C5orf47: variants seen among roughly 807,000 people sequenced by gnomAD.
The protein encoded by C5orf47 is uncharacterized protein C5orf47.
A neutral mutation model predicts 20.6 loss-of-function variants in C5orf47; 20 were observed. That is an observed-to-expected ratio of 0.97 (90% CI 0.68 to 1.41). The LOEUF (loss-of-function observed/expected upper bound fraction) is 1.41. Ranked by LOEUF, C5orf47 falls within the 40% of genes most tolerant of loss-of-function variation. The probability of loss-of-function intolerance (pLI) is 0.00; values close to 1 mark genes in which losing one functional copy is unlikely to be tolerated. For missense variants in C5orf47, 262 were observed against 238.4 expected, an observed-to-expected ratio of 1.10 and a Z score of -0.65; for synonymous variants, 106 against 97.3, an observed-to-expected ratio of 1.09 and a Z score of -0.53.
At position 173,989,202 on chromosome 5, in the gene C5orf47, G is replaced by A. The variant is rs568715750; in HGVS notation, c.-62G>A. 2.4e-5 allele frequency: 32 copies of A among 1,339,770 alleles called. No individual in the cohort carries two copies. The East Asian group carries it at 4.8e-4, about 20-fold the overall frequency. The allele number at this position is 1,339,770 out of a possible 1,614,324, so 83.0% of individuals were successfully genotyped here. ...CCCGCATCCCTCGCCTGCACAGTGG[G>A]CAGTCTGGCGCCTGTGGCGTCGTGT... On this transcript the variant is annotated 5_prime_UTR_variant, in exon 1 of 5. Coordinates refer to ENST00000340147, the MANE Select transcript of C5orf47 (RefSeq NM_001144954.2).
rs1451238759 is a variant in C5orf47 at position 174,001,524 on chromosome 5, A to C, written c.*16+293A>C. Among the ~76,000 whole-genome samples the C allele has an allele frequency of 2.6e-5, 4 of 151,942 alleles. No individual in the cohort carries two copies. The East Asian group carries it at 5.8e-4, about 22-fold the overall frequency. On this transcript the variant is annotated intron_variant, in intron 4 of 4. Transcript: ENST00000340147. ...TTTCTATCGTACCCTCTGAGGGTAC[A>C]ATATGGTACATTATTCTGAGGGCAG...
At chr5:174,007,559 CTTTT>C (rs113925593), downstream of C5orf47, among the ~76,000 whole-genome samples, 1 of 138,912 alleles carries the variant, frequency 7.2e-6, no homozygotes, top group Non-Finnish European at 1.6e-5. Context: ...ACTCTCCTAC[CTTTT>C]TTTTTTTTTT....
At chr5:173,995,663 C>T (rs1167436435) in intron 1 of C5orf47, among the ~76,000 whole-genome samples, 1 of 152,204 alleles carries the variant, frequency 6.6e-6, no homozygotes. Context: ...CCAGTAAATG[C>T]TGGCACATTG....
intron 1 of C5orf47, among the ~76,000 whole-genome samples, chr5:173,995,019 G>C (rs905328506): frequency 3.9e-5 from 6 of 152,066 alleles, no homozygotes; most frequent in Non-Finnish European, 8.8e-5. Context: ...CAACATGTAG[G>C]CCAGGCTGGT....
downstream of C5orf47, among the ~76,000 whole-genome samples, chr5:174,006,590 T>C (rs1466864421): frequency 6.6e-6 from 1 of 152,186 alleles, no homozygotes; most frequent in Non-Finnish European, 1.5e-5. Context: ...AAGTCTTGGG[T>C]AATCTGGGAA....
downstream of C5orf47, among the ~76,000 whole-genome samples, chr5:174,007,185 G>A (rs1759305777): frequency 6.6e-6 from 1 of 152,198 alleles, no homozygotes; most frequent in Non-Finnish European, 1.5e-5. Context: ...TGGAGTAAGA[G>A]TTATCACAAC....
downstream of C5orf47, among the ~76,000 whole-genome samples, chr5:174,008,933 C>T (rs1759332674): frequency 6.6e-6 from 1 of 151,798 alleles, no homozygotes; most frequent in Admixed American, 6.6e-5. Flanking sequence ...TGGGACTTCA[C>T]TTTATAAATA....
intron 1 of C5orf47, 58 bp downstream of exon 1, chr5:173,989,646 G>C: frequency 1.5e-6 from 2 of 1,306,668 alleles, no homozygotes; most frequent in East Asian, 3.1e-5. Context: ...GGCGGAGCGG[G>C]CTCAGCTGCT....
downstream of C5orf47, among the ~76,000 whole-genome samples, chr5:174,009,360 A>G (rs1199598702): frequency 6.6e-6 from 1 of 151,802 alleles, no homozygotes. Flanking sequence ...TCTATTTACT[A>G]TTTCCTTTCT....
chr5:173,996,678 A>C (rs1759104956), intron 1 of C5orf47, among the ~76,000 whole-genome samples: 1 of 152,240 alleles, frequency 6.6e-6, no homozygotes, highest in African/African-American at 2.4e-5. Flanking sequence ...TCTTTTTAGA[A>C]CACTTTAAAT....
chr5:173,999,414 T>C (rs1344855725), intron 2 of C5orf47, among the ~76,000 whole-genome samples: 2 of 152,320 alleles, frequency 1.3e-5, no homozygotes, highest in East Asian at 3.9e-4. Context: ...TAGAATTGAT[T>C]AGGTAGGACT....
chr5:173,989,653 T>A, intron 1 of C5orf47, 65 bp downstream of exon 1: 1 of 1,284,852 alleles, frequency 7.8e-7, no homozygotes, highest in Non-Finnish European at 1.0e-6. Flanking sequence ...CGGGCTCAGC[T>A]GCTGGGCGCC....
chr5:173,989,589 G>T lies in C5orf47; in HGVS notation c.325+1G>T. 6.9e-6 allele frequency: 10 copies of T among 1,443,662 alleles called. No individual in the cohort carries two copies. The highest frequency in any genetic ancestry group is 9.1e-6 in the Non-Finnish European group (10 of 1,099,328). The allele number at this position is 1,443,662 out of a possible 1,614,324, so 89.4% of individuals were successfully genotyped here. A position where few individuals can be genotyped will look rare whatever the true frequency, so the allele number is the denominator to read the frequency against. On this transcript the variant is annotated splice_donor_variant, in intron 1 of 4. Transcript: ENST00000340147. LOFTEE classifies it high-confidence loss of function. ...GGCACCAGACAGTCGGCGCGTGCAG[G>T]TGGTGCAGCGGGGCAGGGCGGGACC...
chr5:174,008,518 T>C (rs1759326052), downstream of C5orf47, among the ~76,000 whole-genome samples: 2 of 152,174 alleles, frequency 1.3e-5, no homozygotes, highest in African/African-American at 2.4e-5. Context: ...GTCCACAGCA[T>C]AGAATTAAAT....
chr5:174,001,053 C>A (rs1197196616), intron 3 of C5orf47, 143 bp from the exon 4 acceptor site: 3 of 639,342 alleles, frequency 4.7e-6, no homozygotes, highest in Non-Finnish European at 8.3e-6. Context: ...CAGTGTTAAA[C>A]TACATTACAG....
chr5:174,007,621 G>T (rs1315818943), downstream of C5orf47, among the ~76,000 whole-genome samples: 1 of 147,956 alleles, frequency 6.8e-6, no homozygotes, highest in African/African-American at 2.6e-5. Context: ...GCAGTGATGC[G>T]ATCTTGGCTC....
downstream of C5orf47, among the ~76,000 whole-genome samples, chr5:174,008,966 T>TA (rs926667971): frequency 2.6e-5 from 4 of 151,840 alleles, no homozygotes; most frequent in East Asian, 5.8e-4. Flanking sequence ...ACTTACCAAG[T>TA]AAAAAAAATT....
chr5:174,001,358 T>C, intron 4 of C5orf47, 127 bp downstream of exon 4: 1 of 616,012 alleles, frequency 1.6e-6, no homozygotes, highest in Non-Finnish European at 2.8e-6. Context: ...CTTTCTTAAA[T>C]ACAGTGTTTG....
At chr5:173,999,205 T>C (rs986574624) in intron 2 of C5orf47, among the ~76,000 whole-genome samples, 8 of 152,184 alleles carry the variant, frequency 5.3e-5, no homozygotes, top group African/African-American at 1.9e-4. Flanking sequence ...GATCTATTTG[T>C]TTGATTCTAT....
Sources: allele counts gnomAD v4.1 joint callset (sites outside exome capture counted in the v4.1 genomes callset), GRCh38; gene constraint gnomAD v4.1.1; transcripts MANE v1.5; gene names NCBI Gene and HGNC (gene_info 2026-07-23, HGNC 2026-07-21).